Variants in SSBP3 observed in about 807,000 individuals in gnomAD.
The protein encoded by SSBP3 is single stranded DNA binding protein 3.
In SSBP3, 5 loss-of-function variants were observed where a neutral mutation model predicts 69.6. The observed-to-expected ratio is 0.07, with a 90% CI of 0.04 to 0.15. SSBP3 has a LOEUF of 0.15. Among genes scored for constraint, SSBP3 ranks in the 10% least tolerant of loss-of-function variants. The pLI is 1.00. For missense variants in SSBP3, 312 were observed against 534.0 expected, an observed-to-expected ratio of 0.58 and a Z score of 4.10; for synonymous variants, 196 against 193.4, an observed-to-expected ratio of 1.01 and a Z score of -0.11.
At chr1:54,357,015 G>A (rs1251941532) in intron 4 of SSBP3, among the ~76,000 whole-genome samples, 1 of 151,464 alleles carries the variant, frequency 6.6e-6, no homozygotes, top group Non-Finnish European at 1.5e-5. Flanking sequence ...CATCTTCTGG[G>A]TGGAGGGAAC....
At chr1:54,275,181 C>T (rs1032962743) in intron 5 of SSBP3, among the ~76,000 whole-genome samples, 9 of 152,158 alleles carry the variant, frequency 5.9e-5, no homozygotes, top group African/African-American at 1.7e-4. Flanking sequence ...CACGTCTGAC[C>T]GAGGGGCTAA....
At chr1:54,273,239 G>A (rs371548833) in intron 5 of SSBP3, among the ~76,000 whole-genome samples, 5 of 152,356 alleles carry the variant, frequency 3.3e-5, no homozygotes, top group Non-Finnish European at 5.9e-5. Flanking sequence ...TGAGAGTTAC[G>A]GCGCTACATG....
At chr1:54,394,695 CTTTTTTTTTTT>C (rs544898836) in intron 4 of SSBP3, among the ~76,000 whole-genome samples, 6 of 97,154 alleles carry the variant, frequency 6.2e-5, no homozygotes, top group East Asian at 5.9e-4. Flanking sequence ...CTTAAGACTC[CTTTTTTTTTTT>C]TTTTTTTTTT....
At chr1:54,316,096 G>A (rs1646092295) in intron 4 of SSBP3, among the ~76,000 whole-genome samples, 2 of 152,024 alleles carry the variant, frequency 1.3e-5, no homozygotes, top group African/African-American at 4.8e-5. Context: ...TGTAATCCCA[G>A]CACTTTGGGA....
intron 4 of SSBP3, among the ~76,000 whole-genome samples, chr1:54,336,603 G>A (rs912425860): frequency 6.6e-6 from 1 of 152,148 alleles, no homozygotes; most frequent in African/African-American, 2.4e-5. Flanking sequence ...AACAGAGTAA[G>A]GTTTTCAAAT....
chr1:54,255,679 T>C (rs1570274865), intron 7 of SSBP3: 1 of 152,156 alleles, frequency 6.6e-6, no homozygotes, highest in African/African-American at 2.4e-5. Context: ...TTGTCCAAAT[T>C]TGTCCCCTTC....
chr1:54,225,720 C>A, exon 18 of SSBP3: 2 of 171,168 alleles, frequency 1.2e-5, no homozygotes, highest in Non-Finnish European at 2.5e-5. Context: ...ACAAAGAATT[C>A]GGGTGTCTTC....
intron 4 of SSBP3, among the ~76,000 whole-genome samples, chr1:54,382,879 G>A (rs1028726560): frequency 3.3e-5 from 5 of 151,912 alleles, no homozygotes; most frequent in Non-Finnish European, 5.9e-5. Flanking sequence ...CAGCTACCCA[G>A]GAGGCTAAGG....
intron 4 of SSBP3, among the ~76,000 whole-genome samples, chr1:54,357,265 A>T (rs755224958): frequency 2.6e-5 from 4 of 152,124 alleles, no homozygotes; most frequent in African/African-American, 4.8e-5. Context: ...TGCCTAACAC[A>T]GTGGCCCAGG....
At chr1:54,264,941 G>A (rs865890460) in intron 5 of SSBP3, among the ~76,000 whole-genome samples, 6 of 152,320 alleles carry the variant, frequency 3.9e-5, no homozygotes, top group Admixed American at 2.0e-4. Flanking sequence ...CGGTACTGGC[G>A]GCCTGTGTAA....
intron 4 of SSBP3, among the ~76,000 whole-genome samples, chr1:54,364,559 A>C (rs558011486): frequency 1.1e-4 from 16 of 152,214 alleles, no homozygotes; most frequent in Non-Finnish European, 2.1e-4. Context: ...TATAAATAGA[A>C]TATCAAGTCC....
intron 5 of SSBP3, 146 bp downstream of exon 5, chr1:54,281,292 G>A: frequency 1.5e-6 from 1 of 649,922 alleles, no homozygotes; most frequent in East Asian, 3.0e-5. Flanking sequence ...AAAGGGATGG[G>A]AAGGGAAGGA....
At chr1:54,240,082 G>T (rs1182812606) in intron 13 of SSBP3, among the ~76,000 whole-genome samples, 1 of 12,398 alleles carries the variant, frequency 8.1e-5, no homozygotes, top group Non-Finnish European at 1.3e-4. Context: ...GTGTGTGTGT[G>T]TGTGTGCGCG....
intron 4 of SSBP3, among the ~76,000 whole-genome samples, chr1:54,292,628 G>C (rs12128840): frequency 0.22 from 32,878 of 152,082 alleles, 3,751 homozygotes; most frequent in Non-Finnish European, 0.26. Flanking sequence ...GTCGCACTCA[G>C]ACCAGACAGC....
At chr1:54,304,989 C>G (rs555454226) in intron 4 of SSBP3, among the ~76,000 whole-genome samples, 6 of 152,266 alleles carry the variant, frequency 3.9e-5, no homozygotes, top group African/African-American at 1.2e-4. Context: ...CTTAGTGGAG[C>G]ATGTGCACTC....
intron 17 of SSBP3, 95 bp from the exon 18 acceptor site, chr1:54,227,255 C>G (rs1230969590): frequency 2.6e-6 from 2 of 766,910 alleles, no homozygotes; most frequent in African/African-American, 3.5e-5. Flanking sequence ...CTGCACAGAA[C>G]TGAGCAGGGC....
chr1:54,236,030 T>C (rs529125677), intron 14 of SSBP3, among the ~76,000 whole-genome samples: 1 of 152,366 alleles, frequency 6.6e-6, no homozygotes, highest in South Asian at 2.1e-4. Flanking sequence ...GCTAGCCCCA[T>C]CTAGGCTCCT....
At chr1:54,237,634 T>TA in intron 14 of SSBP3, 1 of 156,008 alleles carries the variant, frequency 6.4e-6, no homozygotes, top group East Asian at 1.8e-4. Context: ...CATGGTCATT[T>TA]AACCTTCTTT....
At chr1:54,348,455 C>T (rs1380297821) in intron 4 of SSBP3, among the ~76,000 whole-genome samples, 1 of 152,210 alleles carries the variant, frequency 6.6e-6, no homozygotes, top group African/African-American at 2.4e-5. Context: ...CCTGGGACAG[C>T]CTCCAACAGC....
Sources: gnomAD v4.1 joint callset for allele counts (sites outside exome capture counted in the v4.1 genomes callset) on GRCh38, gnomAD v4.1.1 for gene constraint, MANE v1.5 for transcripts, NCBI Gene and HGNC (gene_info 2026-07-23, HGNC 2026-07-21) for gene names.